Variants in LPP observed in about 807,000 individuals in gnomAD.
The protein encoded by LPP is lipoma-preferred partner.
A neutral mutation model predicts 60.4 loss-of-function variants in LPP; 38 were observed. The observed-to-expected ratio is 0.63, with a 90% confidence interval of 0.49 to 0.83. The LOEUF (loss-of-function observed/expected upper bound fraction) is 0.83. Ranked by LOEUF, LPP falls within the 40% of genes least tolerant of loss-of-function variation. The probability of loss-of-function intolerance (pLI) is 0.00; values close to 1 mark genes in which losing one functional copy is unlikely to be tolerated. For missense variants in LPP, 902 were observed against 783.6 expected (o/e 1.15, Z -1.80); for synonymous variants, 328 against 290.8 (o/e 1.13, Z -1.30).
chr3:188,192,607 A>C (rs894221414), intron 1 of LPP, among the ~76,000 whole-genome samples: 1 of 152,248 alleles, frequency 6.6e-6, no homozygotes, highest in African/African-American at 2.4e-5. Context: ...CTACAGGTTA[A>C]GAAATCAACT....
intron 2 of LPP, among the ~76,000 whole-genome samples, chr3:188,236,000 A>G (rs1721774639): frequency 6.6e-6 from 1 of 152,118 alleles, no homozygotes; most frequent in South Asian, 2.1e-4. Context: ...AATAGTAATA[A>G]TGATGACTCA....
chr3:188,873,109 T>C (rs1190189790), intron 11 of LPP, among the ~76,000 whole-genome samples: 1 of 152,224 alleles, frequency 6.6e-6, no homozygotes, highest in Non-Finnish European at 1.5e-5. Flanking sequence ...ACTTTGGCTC[T>C]GAGGCTTTGG....
At chr3:188,350,162 A>G (rs538093120) in intron 3 of LPP, among the ~76,000 whole-genome samples, 6 of 152,222 alleles carry the variant, frequency 3.9e-5, no homozygotes, top group South Asian at 4.2e-4. Flanking sequence ...TTTACTCAAC[A>G]CCTACAAGCA....
At chr3:188,715,974 T>C (rs1450970176) in intron 8 of LPP, among the ~76,000 whole-genome samples, 1 of 152,244 alleles carries the variant, frequency 6.6e-6, no homozygotes, top group Admixed American at 6.5e-5. Context: ...CTTGACATTG[T>C]TTATATGATA....
chr3:188,757,018 G>A (rs62291339), intron 8 of LPP, among the ~76,000 whole-genome samples: 7,296 of 152,292 alleles, frequency 0.048, 225 homozygotes, highest in Non-Finnish European at 0.069. Flanking sequence ...GGGAAAACTA[G>A]AATGTCTTTT....
rs137922650 is a variant in LPP, at chr3:188,304,913, A to G, written c.-66-36750A>G. Among the ~76,000 whole-genome samples the G allele has an allele frequency of 4.9e-3, 747 of 152,332 alleles. 12 individuals carry two copies. The highest frequency in any genetic ancestry group is 0.014 in the African/African-American group (592 of 41,584). ...TCAGTTGCTTCAAAAAAGAAATGTC[A>G]TTAAATTATCAGGGAAATAAATTAC... On this transcript the variant is annotated intron_variant, in intron 2 of 11. Transcript: ENST00000617246.
At chr3:188,266,846 C>T (rs1377796002) in intron 2 of LPP, among the ~76,000 whole-genome samples, 2 of 152,144 alleles carry the variant, frequency 1.3e-5, no homozygotes, top group African/African-American at 4.8e-5. Flanking sequence ...GAGCAGATTA[C>T]AGAATCCTCC....
intron 7 of LPP, among the ~76,000 whole-genome samples, chr3:188,626,818 C>G (rs928647726): frequency 6.6e-5 from 10 of 152,060 alleles, no homozygotes; most frequent in African/African-American, 2.4e-4. Context: ...GGAGACATGA[C>G]TCAGCTCATA....
chr3:188,688,746 G>A (rs999266160), intron 7 of LPP: 1 of 484,194 alleles, frequency 2.1e-6, no homozygotes, highest in Admixed American at 2.3e-5. Context: ...TAGACAACAT[G>A]CTTGATGCTG....
intron 7 of LPP, among the ~76,000 whole-genome samples, chr3:188,681,837 G>A (rs949962582): frequency 6.6e-6 from 1 of 152,184 alleles, no homozygotes; most frequent in Admixed American, 6.5e-5. Flanking sequence ...TGTGTAGTAT[G>A]TATGTTTTTA....
chr3:188,434,746 T>C (rs1002475707), intron 4 of LPP, among the ~76,000 whole-genome samples: 1 of 152,196 alleles, frequency 6.6e-6, no homozygotes, highest in African/African-American at 2.4e-5. Context: ...TTGCGCTTGA[T>C]GGCATCCTTT....
At chr3:188,824,638 C>T (rs951391532) in intron 9 of LPP, among the ~76,000 whole-genome samples, 4 of 152,062 alleles carry the variant, frequency 2.6e-5, no homozygotes, top group East Asian at 1.9e-4. Flanking sequence ...CCTTTAACCG[C>T]GTGCAAAATT....
chr3:188,736,361 T>C (rs1490701571), intron 8 of LPP, among the ~76,000 whole-genome samples: 1 of 152,052 alleles, frequency 6.6e-6, no homozygotes, highest in African/African-American at 2.4e-5. Flanking sequence ...CAAATACAAA[T>C]ATCCCAACAG....
chr3:188,736,001 A>G (rs1299831851), intron 8 of LPP, among the ~76,000 whole-genome samples: 1 of 152,238 alleles, frequency 6.6e-6, no homozygotes, highest in Non-Finnish European at 1.5e-5. Context: ...TAGAAGTTTA[A>G]ACTATTTTAA....
At chr3:188,676,073 A>G (rs1019218124) in intron 7 of LPP, among the ~76,000 whole-genome samples, 2 of 152,194 alleles carry the variant, frequency 1.3e-5, no homozygotes, top group African/African-American at 4.8e-5. Flanking sequence ...TTGGTCTGTA[A>G]TAGATAAAAA....
chr3:188,632,172 T>G (rs1231643231), intron 7 of LPP, among the ~76,000 whole-genome samples: 2 of 152,180 alleles, frequency 1.3e-5, no homozygotes, highest in Non-Finnish European at 2.9e-5. Context: ...CCTCAAACAT[T>G]TATTTAGTGT....
rs11330297 is a variant in LPP, at chr3:188,181,352, C to CA, written c.-190+27118dup. 8.6e-3 allele frequency among the ~76,000 whole-genome samples: 958 copies of CA among 111,514 alleles called. 10 individuals are homozygous for CA. Among genetic ancestry groups the CA allele is most frequent in the African/African-American group, 0.031 (868 of 27,986 alleles). The allele number at this position is 111,514 out of a possible 152,430, so 73.2% of individuals were successfully genotyped here. On this transcript the variant is annotated intron_variant, in intron 1 of 11. Coordinates refer to ENST00000617246, the MANE Select transcript of LPP (RefSeq NM_001375462.1). ...TGGGTGACAAAGTGAAATTCCGTCT[C>CA]AAAAAAAAAAAAAAAAAAGAAGAAG...
chr3:188,369,304 T>C lies in LPP; in HGVS notation c.-10+27585T>C, dbSNP rs1299484577. On this transcript the variant is annotated intron_variant, in intron 3 of 11. Coordinates refer to ENST00000617246, the MANE Select transcript of LPP (RefSeq NM_001375462.1). ...GGGATCACAGGAAAGTTTTTTTTTT[T>C]TTAAATTCTCCATTAAGAAGATGCT... 3.3e-5 allele frequency among the ~76,000 whole-genome samples: 5 copies of C among 152,104 alleles called. No individual in the cohort carries two copies. In the East Asian group the frequency reaches 9.6e-4, roughly 29 times the overall value.
chr3:188,291,366 G>C (rs764698761), intron 2 of LPP, among the ~76,000 whole-genome samples: 1 of 151,962 alleles, frequency 6.6e-6, no homozygotes, highest in Non-Finnish European at 1.5e-5. Flanking sequence ...TTGGCCGGGC[G>C]TGGTGGCTCT....
Sources: allele counts gnomAD v4.1 joint callset (sites outside exome capture counted in the v4.1 genomes callset), GRCh38; gene constraint gnomAD v4.1.1; transcripts MANE v1.5; gene names NCBI Gene and HGNC (gene_info 2026-07-23, HGNC 2026-07-21).